The following RBM12 variants were observed in gnomAD, a reference collection of about 807,000 sequenced individuals.
The protein encoded by RBM12 is RNA binding motif protein 12, also known as RNA-binding protein 12.
A neutral mutation model predicts 37.2 loss-of-function variants in RBM12; 24 were observed. That is an observed-to-expected ratio of 0.65 (90% CI 0.47 to 0.91). RBM12 has a LOEUF of 0.91. Ranked by LOEUF, RBM12 falls within the 40% of genes least tolerant of loss-of-function variation. The probability of loss-of-function intolerance (pLI) is 0.00; values close to 1 mark genes in which losing one functional copy is unlikely to be tolerated. For missense variants in RBM12, 1,061 were observed against 1,183.2 expected, an observed-to-expected ratio of 0.90 and a Z score of 1.52; for synonymous variants, 420 against 425.2, an observed-to-expected ratio of 0.99 and a Z score of 0.15.
Position 35,649,905 on chromosome 20 carries a change from C to A in RBM12, c.*2619G>T, listed in dbSNP as rs1240468900. 1 of 152,362 alleles carries A rather than the reference C, an allele frequency of 6.6e-6. No homozygotes were observed. The highest frequency in any genetic ancestry group is 2.4e-5 in the African/African-American group (1 of 41,432). The allele number at this position is 152,362 out of a possible 1,614,324, so 9.4% of individuals were successfully genotyped here. ...TGATAGTGTTTACAAATGCACACAA[C>A]TTTGAGCAAAGCTTTACAAATCCTT... On this transcript the variant is annotated 3_prime_UTR_variant, in exon 3 of 3. Coordinates refer to ENST00000374114, the MANE Select transcript of RBM12 (RefSeq NM_006047.6).
chr20:35,654,595 C>G lies in RBM12; in HGVS notation c.728G>C (p.Gly243Ala), dbSNP rs755747504. ...PPMTPLPPMS[G>A]MPPLNPPPVA... The stretch of plus-strand genomic sequence containing the variant: ...AGGTGGCGGATTCAAGGGCGGCATG[C>G]CCGACATGGGTGGCAGTGGGGTCAT... The change falls in exon 3 of 3, where the codon GGC becomes GCC. Residue 243 changes from glycine (G) to alanine (A), a missense_variant. By Grantham distance (60) the Gly-to-Ala change is moderately conservative. This residue lies in a region of RBM12 where 540 missense variants were observed against 632.7 expected (regional missense o/e 0.85). Coordinates refer to ENST00000374114, the MANE Select transcript of RBM12 (RefSeq NM_006047.6). 6.2e-7 allele frequency: 1 copy of G among 1,614,136 alleles called. No homozygotes were observed. The highest frequency in any genetic ancestry group is 1.7e-5 in the Admixed American group (1 of 60,020).
rs1286530503 is a variant in RBM12 at position 35,650,891 on chromosome 20, T to C, written c.*1633A>G. 6.6e-6 allele frequency: 1 copy of C among 152,652 alleles called. No individual in the cohort carries two copies. The highest frequency in any genetic ancestry group is 2.4e-5 in the African/African-American group (1 of 41,458). The allele number at this position is 152,652 out of a possible 1,614,324, so 9.5% of individuals were successfully genotyped here. A position where few individuals can be genotyped will look rare whatever the true frequency, so the allele number is the denominator to read the frequency against. On this transcript the variant is annotated 3_prime_UTR_variant, in exon 3 of 3. Transcript: ENST00000374114. ...TTTAAAAGACTGACCCCTTTGTAAC[T>C]ACGCTGATTTGTAGGAAATGTTGGG...
At chr20:35,662,507 T>C (rs972708904) in intron 1 of RBM12, among the ~76,000 whole-genome samples, 47 of 152,224 alleles carry the variant, frequency 3.1e-4, no homozygotes, top group African/African-American at 1.1e-3. Context: ...TAAGCACTTG[T>C]GGGCCAGACA....
At chr20:35,663,688 A>C (rs1329654628) in intron 1 of RBM12, among the ~76,000 whole-genome samples, 1 of 152,194 alleles carries the variant, frequency 6.6e-6, no homozygotes, top group Non-Finnish European at 1.5e-5. Context: ...AATACTGAGT[A>C]ACCCTCACAA....
chr20:35,660,722 T>C (rs570327982), intron 1 of RBM12, among the ~76,000 whole-genome samples: 2 of 152,218 alleles, frequency 1.3e-5, no homozygotes, highest in Admixed American at 6.5e-5. Context: ...TTTCTAGAAC[T>C]TGTAATAAAC....
At position 35,652,647 on chromosome 20, in the gene RBM12, T is replaced by C; in HGVS notation, c.2676A>G (p.Glu892=). The stretch of plus-strand genomic sequence containing the variant: ...TGGCTTCACCTGTGGGCATACCTTT[T>C]TCATTGTATTTTAAACACACTGAGC... ...IPGSVCLKYN[E]KGMPTGEAMV... Residue 892 remains glutamate, a synonymous_variant, in exon 3 of 3, where the codon GAA becomes GAG. Coordinates refer to ENST00000374114, the MANE Select transcript of RBM12 (RefSeq NM_006047.6). 2 of 1,614,238 alleles carry C rather than the reference T, an allele frequency of 1.2e-6. No homozygotes were observed. The highest frequency in any genetic ancestry group is 1.7e-6 in the Non-Finnish European group (2 of 1,180,032).
At position 35,654,681 on chromosome 20, in the gene RBM12, TACTGGAGGAGGAACTGGA is replaced by T; in HGVS notation, c.624_641del (p.Val210_Pro215del). The T allele has an allele frequency of 1.9e-6, 3 of 1,613,390 alleles. No individual in the cohort carries two copies. The highest frequency in any genetic ancestry group is 2.5e-6 in the Non-Finnish European group (3 of 1,179,512). ...CAGGAGGCACAGGAGGCAATGTAGG[TACTGGAGGAGGAACTGGA>T]ATTGGGGGAATGGATGGCATTGGTG... On this transcript the variant is annotated inframe_deletion, in exon 3 of 3. Coordinates refer to ENST00000374114, the MANE Select transcript of RBM12 (RefSeq NM_006047.6).
chr20:35,655,352 T>C lies in RBM12; in HGVS notation c.-22-8A>G, dbSNP rs773998744. ...CGCTGAAACCACACACACCTGCAGATGAGAAAAGGCAACGGCCAGGTCAGA... is the reference window on the plus strand; with the variant it reads ...CGCTGAAACCACACACACCTGCAGACGAGAAAAGGCAACGGCCAGGTCAGA... On this transcript the variant is annotated splice_polypyrimidine_tract_variant and splice_region_variant and intron_variant, in intron 2 of 2. Coordinates refer to ENST00000374114, the MANE Select transcript of RBM12 (RefSeq NM_006047.6). The C allele has an allele frequency of 2.5e-6, 4 of 1,580,496 alleles. No individual in the cohort carries two copies. Among genetic ancestry groups the C allele is most frequent in the Middle Eastern group, 1.7e-4 (1 of 5,926 alleles).
chr20:35,660,364 G>A (rs1239835058), intron 1 of RBM12, among the ~76,000 whole-genome samples: 1 of 152,076 alleles, frequency 6.6e-6, no homozygotes, highest in African/African-American at 2.4e-5. Flanking sequence ...CTACAGGCTT[G>A]CGCCACCACC....
Position 35,653,436 on chromosome 20 carries a change from T to C in RBM12, c.1887A>G (p.Lys629=), listed in dbSNP as rs138136140. ...CCTTTTTTCCTTGGGCAGGGGGATT[T>C]TTCTCAATCTCTCTCATATCTTCTA... ...VTLEDMREIE[K]NPPAQGKKGL... is the part of the protein sequence containing the mutation. The change falls in exon 3 of 3, where the codon AAA becomes AAG. Residue 629 remains lysine, a synonymous_variant. Coordinates refer to ENST00000374114, the MANE Select transcript of RBM12 (RefSeq NM_006047.6). 2.5e-6 allele frequency: 4 copies of C among 1,613,972 alleles called. No homozygotes were observed. The African/African-American group carries it at 5.3e-5, about 22-fold the overall frequency.
chr20:35,653,595 A>C lies in RBM12; in HGVS notation c.1728T>G (p.Val576=), dbSNP rs768504368. The change falls in exon 3 of 3, where the codon GTT becomes GTG. Residue 576 remains valine (V), a synonymous_variant. Coordinates refer to ENST00000374114, the MANE Select transcript of RBM12 (RefSeq NM_006047.6). ...GIPVDENAVH[V]LVDNNGQGLG... is the part of the protein sequence containing the mutation. The stretch of plus-strand genomic sequence containing the variant: ...GACCTTGCCCATTGTTATCAACAAG[A>C]ACATGTACAGCATTTTCATCCACTG... 1.2e-6 allele frequency: 2 copies of C among 1,614,238 alleles called. No homozygotes were observed. The highest frequency in any genetic ancestry group is 2.2e-5 in the South Asian group (2 of 91,090).
In RBM12 at chr20:35,659,963, T is replaced by A. The variant is rs547462714; in HGVS notation, c.-107-949A>T. On this transcript the variant is annotated intron_variant, in intron 1 of 2. Transcript: ENST00000374114. ...CCAAATGATGCTCATCTTAAATTAG[T>A]ATCTTCCAAGACCAAAATACAACTA... Among the ~76,000 whole-genome samples the A allele has an allele frequency of 4.4e-4, 67 of 152,342 alleles. 1 individual carries two copies. The Middle Eastern group carries it at 0.01, about 23-fold the overall frequency.
intron 1 of RBM12, 56 bp from the exon 2 acceptor site, chr20:35,659,070 G>A (rs1055938179): frequency 2.6e-5 from 18 of 696,676 alleles, no homozygotes; most frequent in South Asian, 1.2e-4. Context: ...AAAACAACAC[G>A]CACAGGCCAC....
At position 35,654,710 on chromosome 20, in the gene RBM12, T is replaced by C. The variant is rs1206792380; in HGVS notation, c.613A>G (p.Ile205Val). The change falls in exon 3 of 3, where the codon ATT becomes GTT. Residue 205 changes from isoleucine to valine, a missense_variant. Around this residue, in one of 3 missense-constraint regions of RBM12, gnomAD observed 540 missense variants for 632.7 expected, o/e 0.85. Coordinates refer to ENST00000374114, the MANE Select transcript of RBM12 (RefSeq NM_006047.6). Reference sequence around the variant, plus strand: ...GGAGGAGGAACTGGAATTGGGGGAATGGATGGCATTGGTGGCAGAGATGGC... The same window carrying C: ...GGAGGAGGAACTGGAATTGGGGGAACGGATGGCATTGGTGGCAGAGATGGC... ...AMPSLPPMPS[I>V]PPIPVPPPVP... 3 of 1,613,594 alleles carry C rather than the reference T, an allele frequency of 1.9e-6. No individual in the cohort carries two copies. In the African/African-American group the frequency reaches 4.0e-5, roughly 22 times the overall value.
chr20:35,661,049 T>TA (rs1477529354), intron 1 of RBM12, among the ~76,000 whole-genome samples: 2 of 152,214 alleles, frequency 1.3e-5, no homozygotes, highest in African/African-American at 4.8e-5. Flanking sequence ...GTGTACAACT[T>TA]AAAGCACAAA....
intron 1 of RBM12, among the ~76,000 whole-genome samples, chr20:35,661,327 C>G (rs2034219948): frequency 6.6e-6 from 1 of 152,214 alleles, no homozygotes; most frequent in Non-Finnish European, 1.5e-5. Flanking sequence ...TTCTAAATGT[C>G]AGCTAGCGAC....
chr20:35,658,821 A>C, intron 2 of RBM12, 109 bp downstream of exon 2: 1 of 635,976 alleles, frequency 1.6e-6, no homozygotes. Context: ...ACACACACAC[A>C]CACACACACA....
At position 35,652,300 on chromosome 20, in the gene RBM12, C is replaced by A; in HGVS notation, c.*224G>T. 2.1e-6 allele frequency: 1 copy of A among 486,642 alleles called. No homozygotes were observed. Among genetic ancestry groups the A allele is most frequent in the Non-Finnish European group, 3.6e-6 (1 of 278,660 alleles). The allele number at this position is 486,642 out of a possible 1,614,324, so 30.1% of individuals were successfully genotyped here. A position where few individuals can be genotyped will look rare whatever the true frequency, so the allele number is the denominator to read the frequency against. On this transcript the variant is annotated 3_prime_UTR_variant, in exon 3 of 3. Coordinates refer to ENST00000374114, the MANE Select transcript of RBM12 (RefSeq NM_006047.6). The stretch of plus-strand genomic sequence containing the variant: ...GGTTTCTCTAATGGTATGCCAAAAT[C>A]ATTTATGTGTTCTCTCCAGATAGCT...
chr20:35,664,326 G>C (rs1306121987), intron 1 of RBM12: 1 of 152,392 alleles, frequency 6.6e-6, no homozygotes, highest in South Asian at 2.1e-4. Context: ...ATTTCGGGTT[G>C]AAGGAGTGTC....
Sources: gnomAD v4.1 joint callset for allele counts (sites outside exome capture counted in the v4.1 genomes callset) on GRCh38, gnomAD v4.1.1 for gene constraint, gnomAD v4.1.1 regional missense constraint, MANE v1.5 for transcripts, NCBI Gene and HGNC (gene_info 2026-07-23, HGNC 2026-07-21) for gene names.